The following PTPRG variants were observed in gnomAD, a reference collection of about 807,000 sequenced individuals.
PTPRG encodes protein tyrosine phosphatase receptor type G.
In PTPRG, 102 loss-of-function variants were observed where a neutral mutation model predicts 165.3. The ratio of observed to expected loss-of-function variants is 0.62; its 90% CI spans 0.53 to 0.73. The LOEUF is 0.73. PTPRG is among the 30% of genes least tolerant of loss of function. The pLI, the probability that PTPRG is intolerant of heterozygous loss-of-function variation, is 0.00. For missense variants in PTPRG, 1,866 were observed against 1,861.4 expected, an observed-to-expected ratio of 1.00 and a Z score of -0.05; for synonymous variants, 675 against 669.5, an observed-to-expected ratio of 1.01 and a Z score of -0.13.
At chr3:62,101,946 C>T (rs1702301635) in intron 5 of PTPRG, among the ~76,000 whole-genome samples, 1 of 152,162 alleles carries the variant, frequency 6.6e-6, no homozygotes, top group Non-Finnish European at 1.5e-5. Context: ...CTGATGTAAG[C>T]CAAAGAAAAA....
chr3:61,722,568 T>A (rs2032096513), intron 1 of PTPRG, among the ~76,000 whole-genome samples: 1 of 152,216 alleles, frequency 6.6e-6, no homozygotes, highest in Non-Finnish European at 1.5e-5. Context: ...CTTTTGGAAC[T>A]CTGTTTATGC....
At chr3:61,639,000 A>G (rs1410766317) in intron 1 of PTPRG, among the ~76,000 whole-genome samples, 1 of 152,118 alleles carries the variant, frequency 6.6e-6, no homozygotes, top group African/African-American at 2.4e-5. Flanking sequence ...GCTGATGTTT[A>G]TAATGGTGTT....
intron 1 of PTPRG, chr3:61,743,105 A>G (rs1288712367): frequency 2.0e-6 from 3 of 1,475,348 alleles, no homozygotes; most frequent in Non-Finnish European, 2.8e-6. Context: ...ACTGCTGCTC[A>G]TGGCTTCTCA....
chr3:62,246,533 C>CT (rs1341833202), intron 15 of PTPRG, among the ~76,000 whole-genome samples: 4 of 152,100 alleles, frequency 2.6e-5, no homozygotes, highest in Non-Finnish European at 5.9e-5. Flanking sequence ...CTGTTCTATT[C>CT]TTTAGGATTT....
chr3:61,786,297 A>C (rs547067430), intron 2 of PTPRG, among the ~76,000 whole-genome samples: 16 of 152,246 alleles, frequency 1.1e-4, no homozygotes, highest in African/African-American at 3.9e-4. Context: ...GATTATTCCT[A>C]GCTTTTAATC....
At chr3:62,280,676 A>T (rs1559754923) in intron 26 of PTPRG, among the ~76,000 whole-genome samples, 2 of 152,186 alleles carry the variant, frequency 1.3e-5, no homozygotes. Flanking sequence ...TTAAAAATAG[A>T]ACTACCATAA....
chr3:62,030,193 CTG>C (rs1461040543), intron 4 of PTPRG, among the ~76,000 whole-genome samples: 3 of 126,228 alleles, frequency 2.4e-5, no homozygotes, highest in Admixed American at 2.2e-4. Flanking sequence ...AAAATTTTCC[CTG>C]TGTTTTTTTT....
intron 1 of PTPRG, among the ~76,000 whole-genome samples, chr3:61,747,295 A>G (rs1422465986): frequency 2.3e-5 from 2 of 85,872 alleles, no homozygotes; most frequent in African/African-American, 1.0e-4. Flanking sequence ...CACATTTATT[A>G]CTAACATAGC....
intron 2 of PTPRG, among the ~76,000 whole-genome samples, chr3:61,763,862 T>C (rs1280971020): frequency 1.3e-5 from 2 of 152,202 alleles, no homozygotes. Context: ...CTTCTATAGT[T>C]ACTAGTTACA....
intron 2 of PTPRG, among the ~76,000 whole-genome samples, chr3:61,885,203 T>C (rs1417232677): frequency 1.3e-5 from 2 of 152,182 alleles, no homozygotes; most frequent in Admixed American, 1.3e-4. Flanking sequence ...CGGTAAACTA[T>C]GACAGTTTGC....
At chr3:61,672,751 A>C (rs1455526501) in intron 1 of PTPRG, among the ~76,000 whole-genome samples, 1 of 130,154 alleles carries the variant, frequency 7.7e-6, no homozygotes, top group African/African-American at 3.1e-5. Context: ...GGAGAGGGAG[A>C]GGGAGAGGGA....
intron 3 of PTPRG, among the ~76,000 whole-genome samples, chr3:61,999,174 T>C (rs2041111029): frequency 6.6e-6 from 1 of 152,114 alleles, no homozygotes; most frequent in Non-Finnish European, 1.5e-5. Context: ...GCCTGCCAAG[T>C]AGCTGGGATT....
intron 4 of PTPRG, among the ~76,000 whole-genome samples, chr3:62,069,678 T>TCACA (rs1175222899): frequency 7.2e-6 from 1 of 138,470 alleles, no homozygotes; most frequent in African/African-American, 3.0e-5. Context: ...TCTCTCTCTC[T>TCACA]CTCTCTCACA....
At chr3:61,955,619 A>G (rs1232784982) in intron 2 of PTPRG, among the ~76,000 whole-genome samples, 1 of 152,138 alleles carries the variant, frequency 6.6e-6, no homozygotes, top group Non-Finnish European at 1.5e-5. Context: ...TTATAACTGA[A>G]TGTCAAATTC....
At chr3:62,078,279 G>A (rs377360147) in intron 5 of PTPRG, 21 bp downstream of exon 5, 1 of 1,469,496 alleles carries the variant, frequency 6.8e-7, no homozygotes, top group South Asian at 1.2e-5. Context: ...AGTGGCTGAA[G>A]TACTTCAAAG....
At chr3:61,760,027 G>C (rs1313319910) in intron 2 of PTPRG, among the ~76,000 whole-genome samples, 2 of 151,948 alleles carry the variant, frequency 1.3e-5, no homozygotes, top group Admixed American at 1.3e-4. Context: ...TTCCTATTAA[G>C]TCATATTTGA....
intron 12 of PTPRG, among the ~76,000 whole-genome samples, chr3:62,205,465 G>T (rs1050820817): frequency 1.3e-5 from 2 of 152,214 alleles, no homozygotes; most frequent in Middle Eastern, 3.2e-3. Context: ...AGGGGAGCTT[G>T]AGAATATGCC....
intron 1 of PTPRG, among the ~76,000 whole-genome samples, chr3:61,644,676 G>C (rs1702155590): frequency 6.6e-6 from 1 of 152,160 alleles, no homozygotes; most frequent in African/African-American, 2.4e-5. Context: ...AGAAAGCCTG[G>C]ATACCAGGTT....
At chr3:61,981,344 G>A (rs769885393) in intron 2 of PTPRG, among the ~76,000 whole-genome samples, 1 of 152,204 alleles carries the variant, frequency 6.6e-6, no homozygotes, top group Non-Finnish European at 1.5e-5. Flanking sequence ...CCTCTGAACT[G>A]AGAAATCTTC....
Sources: gnomAD v4.1 joint callset for allele counts (sites outside exome capture counted in the v4.1 genomes callset) on GRCh38, gnomAD v4.1.1 for gene constraint, MANE v1.5 for transcripts, NCBI Gene and HGNC (gene_info 2026-07-23, HGNC 2026-07-21) for gene names.